Variants in KIF26B observed in about 807,000 individuals in gnomAD.
KIF26B encodes the protein kinesin-like protein KIF26B.
A neutral mutation model predicts 151.2 loss-of-function variants in KIF26B; 63 were observed. The ratio of observed to expected loss-of-function variants is 0.42; its 90% CI spans 0.34 to 0.51. KIF26B has a LOEUF of 0.51. KIF26B is among the 20% of genes least tolerant of loss of function. KIF26B has a pLI of 0.07. For missense variants in KIF26B, 2,813 were observed against 2,913.6 expected (o/e 0.97, Z 0.79); for synonymous variants, 1,357 against 1,262.1 (o/e 1.08, Z -1.59).
At chr1:245,169,157 C>A (rs1181814505) in intron 2 of KIF26B, among the ~76,000 whole-genome samples, 1 of 152,216 alleles carries the variant, frequency 6.6e-6, no homozygotes, top group Non-Finnish European at 1.5e-5. Context: ...ACCGAGCTCT[C>A]TGCACGTATC....
intron 10 of KIF26B, among the ~76,000 whole-genome samples, chr1:245,651,483 G>A (rs1391847097): frequency 6.6e-6 from 1 of 152,180 alleles, no homozygotes; most frequent in East Asian, 1.9e-4. Flanking sequence ...AGCCCATGGA[G>A]ATTTGGGATT....
At position 245,685,470 on chromosome 1, in the gene KIF26B, G is replaced by C. The variant is rs2044498220; in HGVS notation, c.2487G>C (p.Gln829His). ...AAGGCCGCATGCGCAGGCCCACCCA[G>C]CTGAGACCCTTCCACACCAGGGCCA... ...CEEGRMRRPT[Q>H]LRPFHTRATV... Residue 829 changes from glutamine to histidine, a missense_variant, in exon 12 of 15, where the codon CAG becomes CAC. By Grantham distance (24) the Gln-to-His change is conservative (BLOSUM62 0). This residue lies in a region of KIF26B where 2,060 missense variants were observed against 2,088.6 expected (regional missense o/e 0.99). Transcript: ENST00000407071. 1 of 1,613,656 alleles carries C rather than the reference G, an allele frequency of 6.2e-7. No individual in the cohort carries two copies. Among genetic ancestry groups the C allele is most frequent in the Admixed American group, 1.7e-5 (1 of 59,978 alleles).
In KIF26B at chr1:245,155,005, G is replaced by A. The variant is rs1668400436; in HGVS notation, c.-420G>A. 4.8e-6 allele frequency: 2 copies of A among 420,208 alleles called. No individual in the cohort carries two copies. Among genetic ancestry groups the A allele is most frequent in the South Asian group, 9.2e-5 (1 of 10,846 alleles). The allele number at this position is 420,208 out of a possible 1,614,324, so 26.0% of individuals were successfully genotyped here. A position where few individuals can be genotyped will look rare whatever the true frequency, so the allele number is the denominator to read the frequency against. ...AACTCAGTTACCAAGCTCGGTGAAGGAGACAAGTTCCCACAGCTGACTCGG... is the reference window on the plus strand; with the variant it reads ...AACTCAGTTACCAAGCTCGGTGAAGAAGACAAGTTCCCACAGCTGACTCGG... On this transcript the variant is annotated 5_prime_UTR_variant, in exon 1 of 15. Coordinates refer to ENST00000407071, the MANE Select transcript of KIF26B (RefSeq NM_018012.4).
At chr1:245,559,162 T>A (rs1662108157) in intron 5 of KIF26B, among the ~76,000 whole-genome samples, 1 of 152,174 alleles carries the variant, frequency 6.6e-6, no homozygotes, top group South Asian at 2.1e-4. Flanking sequence ...CTGGGCAACG[T>A]AGGGAGACCC....
intron 2 of KIF26B, among the ~76,000 whole-genome samples, chr1:245,317,147 G>A (rs1197740541): frequency 6.6e-6 from 1 of 152,176 alleles, no homozygotes; most frequent in African/African-American, 2.4e-5. Flanking sequence ...TAGACATCCT[G>A]TTTTCAATTC....
At position 245,568,044 on chromosome 1, in the gene KIF26B, G is replaced by A. The variant is rs187226046; in HGVS notation, c.1350+27094G>A. ...ACTAAAAATTAAAAAAAATAGCCGG[G>A]GTTAATCCCAGCTACTCAGGAGGCT... On this transcript the variant is annotated intron_variant, in intron 5 of 14. Coordinates refer to ENST00000407071, the MANE Select transcript of KIF26B (RefSeq NM_018012.4). Among the ~76,000 whole-genome samples, 762 of 151,758 alleles carry A rather than the reference G, an allele frequency of 5.0e-3. 3 individuals are homozygous for A. Among genetic ancestry groups the A allele is most frequent in the Non-Finnish European group, 8.7e-3 (593 of 67,892 alleles).
At chr1:245,537,821 T>C (rs1320511510) in intron 4 of KIF26B, among the ~76,000 whole-genome samples, 1 of 152,206 alleles carries the variant, frequency 6.6e-6, no homozygotes, top group Non-Finnish European at 1.5e-5. Context: ...AGTGGAATTG[T>C]TGAAGAGGTA....
chr1:245,386,107 G>A (rs1673538011), intron 3 of KIF26B, among the ~76,000 whole-genome samples: 1 of 152,066 alleles, frequency 6.6e-6, no homozygotes, highest in Non-Finnish European at 1.5e-5. Context: ...CAGGCATCGT[G>A]GCACACACCT....
chr1:245,652,128 GTGTGTGTGTGTGTGT>G (rs1440284060), intron 10 of KIF26B, among the ~76,000 whole-genome samples: 70 of 140,054 alleles, frequency 5.0e-4, no homozygotes, highest in African/African-American at 1.8e-3. Context: ...GTGTGTGTGT[GTGTGTGTGTGTGTGT>G]GTGAGAGAGA....
At chr1:245,237,950 C>A (rs1573726345) in intron 2 of KIF26B, among the ~76,000 whole-genome samples, 1 of 151,896 alleles carries the variant, frequency 6.6e-6, no homozygotes, top group East Asian at 1.9e-4. Flanking sequence ...CACTTGAGCC[C>A]CGGAGGTCGA....
In KIF26B at chr1:245,239,851, C is replaced by T. The variant is rs560061057; in HGVS notation, c.465+83168C>T. ...TTTTTCCTTCCAAAAGTTGTCTTTC[C>T]TGACAGTGTATTTTTATTTTACTAT... On this transcript the variant is annotated intron_variant, in intron 2 of 14. Transcript: ENST00000407071. The surrounding 1 kb of genome is among the most constrained non-coding windows in gnomAD (Gnocchi z 4.3). 7.2e-5 allele frequency among the ~76,000 whole-genome samples: 11 copies of T among 152,106 alleles called. No individual in the cohort carries two copies. In the East Asian group the frequency reaches 1.7e-3, roughly 24 times the overall value.
At chr1:245,434,759 AT>A (rs1658863190) in intron 4 of KIF26B, among the ~76,000 whole-genome samples, 1 of 151,746 alleles carries the variant, frequency 6.6e-6, no homozygotes, top group East Asian at 1.9e-4. Context: ...TGTCTCCCAT[AT>A]TTCCCTGGCA....
At chr1:245,314,477 A>G (rs1053039308) in intron 2 of KIF26B, among the ~76,000 whole-genome samples, 9 of 152,122 alleles carry the variant, frequency 5.9e-5, no homozygotes, top group African/African-American at 2.2e-4. Context: ...CAAACAAACA[A>G]ACAGCCCTTA....
intron 9 of KIF26B, among the ~76,000 whole-genome samples, chr1:245,621,792 T>G (rs2043664818): frequency 6.6e-6 from 1 of 152,280 alleles, no homozygotes; most frequent in African/African-American, 2.4e-5. Context: ...AAGCACCATG[T>G]GTGAAATTCA....
intron 3 of KIF26B, among the ~76,000 whole-genome samples, chr1:245,400,488 G>GTTTT (rs11407193): frequency 1.6e-5 from 2 of 123,860 alleles, no homozygotes; most frequent in African/African-American, 3.7e-5. Flanking sequence ...TAGATAGTGA[G>GTTTT]TTTTTTTTTT....
At chr1:245,162,876 C>CA (rs1202107334) in intron 2 of KIF26B, among the ~76,000 whole-genome samples, 1 of 152,162 alleles carries the variant, frequency 6.6e-6, no homozygotes, top group Non-Finnish European at 1.5e-5. Flanking sequence ...CTCCAGGTCT[C>CA]AAAGAACTCA....
chr1:245,566,899 C>A (rs1201063483), intron 5 of KIF26B, among the ~76,000 whole-genome samples: 1 of 152,120 alleles, frequency 6.6e-6, no homozygotes, highest in Non-Finnish European at 1.5e-5. Flanking sequence ...TGCACTCCAG[C>A]CTGGGTGACA....
chr1:245,504,606 G>GT (rs1383327512), intron 4 of KIF26B, among the ~76,000 whole-genome samples: 1 of 151,826 alleles, frequency 6.6e-6, no homozygotes, highest in Admixed American at 6.6e-5. Flanking sequence ...CTCCCAGCTA[G>GT]TTTTTTAATT....
In KIF26B at chr1:245,347,301, T is replaced by A. The variant is rs184023946; in HGVS notation, c.466-19533T>A. Among the ~76,000 whole-genome samples, 24 of 152,100 alleles carry A rather than the reference T, an allele frequency of 1.6e-4. 1 individual carries two copies. The East Asian group carries it at 3.9e-3, about 25-fold the overall frequency. On this transcript the variant is annotated intron_variant, in intron 2 of 14. Transcript: ENST00000407071. ...ATCTCATTAACTACTGTCCCCTTTCTTTTCTTTCTTTCTTTCTTTCTTTTT... is the reference window on the plus strand; with the variant it reads ...ATCTCATTAACTACTGTCCCCTTTCATTTCTTTCTTTCTTTCTTTCTTTTT...
Sources: gnomAD v4.1 joint callset for allele counts (sites outside exome capture counted in the v4.1 genomes callset) on GRCh38, gnomAD v4.1.1 for gene constraint, gnomAD v4.1.1 regional missense constraint, Gnocchi (gnomAD v3.1) non-coding constraint, MANE v1.5 for transcripts, NCBI Gene and HGNC (gene_info 2026-07-23, HGNC 2026-07-21) for gene names.